Variants in KCNAB2 observed in about 807,000 individuals in gnomAD.
KCNAB2 encodes the protein potassium voltage-gated channel subfamily A regulatory beta subunit 2, also known as voltage-gated potassium channel subunit beta-2.
In KCNAB2, 29 loss-of-function variants were observed where a neutral mutation model predicts 63.6. The observed-to-expected ratio is 0.46, with a 90% confidence interval of 0.34 to 0.62. The LOEUF is 0.62. Among genes scored for constraint, KCNAB2 ranks in the 20% least tolerant of loss-of-function variants. The pLI, the probability that KCNAB2 is intolerant of heterozygous loss-of-function variation, is 0.01. For synonymous variants in KCNAB2, 222 were observed against 224.2 expected, an observed-to-expected ratio of 0.99 and a Z score of 0.09; for missense variants, 359 against 563.9, an observed-to-expected ratio of 0.64 and a Z score of 3.68.
chr1:6,001,699 T>C (rs985896059), intron 1 of KCNAB2, among the ~76,000 whole-genome samples: 1 of 152,110 alleles, frequency 6.6e-6, no homozygotes, highest in Non-Finnish European at 1.5e-5. Context: ...GCGGAATTCC[T>C]GGTCTCTAAC....
chr1:6,014,057 T>G (rs1658345095), intron 1 of KCNAB2, among the ~76,000 whole-genome samples: 2 of 152,200 alleles, frequency 1.3e-5, no homozygotes, highest in African/African-American at 2.4e-5. Flanking sequence ...AGTACTAACC[T>G]CATAGGATTA....
rs530158204 is a variant in KCNAB2, at chr1:6,005,668, G to A, written c.-53+12880G>A. 1.2e-4 allele frequency among the ~76,000 whole-genome samples: 19 copies of A among 152,052 alleles called. No homozygotes were observed. In the South Asian group the frequency reaches 1.7e-3, roughly 13 times the overall value. ...CTCAGAGAGATGGGTTTAGTGGCCC[G>A]GGGAGGCACGGAAGCCCAGGTCTGT... On this transcript the variant is annotated intron_variant, in intron 1 of 16. Coordinates refer to the KCNAB2 transcript ENST00000341524.
chr1:6,095,736 G>A, intron 13 of KCNAB2, 112 bp downstream of exon 13: 1 of 990,462 alleles, frequency 1.0e-6, no homozygotes, highest in Non-Finnish European at 1.6e-6. Context: ...AGCTGCAGCT[G>A]TTCCCACCTC....
chr1:6,050,587 C>G (rs900463364), intron 1 of KCNAB2, among the ~76,000 whole-genome samples: 1 of 152,262 alleles, frequency 6.6e-6, no homozygotes, highest in Non-Finnish European at 1.5e-5. Context: ...CACTCACTCA[C>G]TATGTTGAGA....
At position 6,099,972 on chromosome 1, in the gene KCNAB2, C is replaced by T. The variant is rs1463857569; in HGVS notation, c.*1398C>T. 13 of 1,549,506 alleles carry T rather than the reference C, an allele frequency of 8.4e-6. No individual in the cohort carries two copies. The highest frequency in any genetic ancestry group is 2.4e-5 in the East Asian group (1 of 40,898). ...AGCAGTACCCAGGCTTTGCAGACCA[C>T]GCGGGGCAGGGCTCCACTGAAGCCA... On this transcript the variant is annotated 3_prime_UTR_variant, in exon 16 of 16. Coordinates refer to ENST00000378083, the MANE Select transcript of KCNAB2 (RefSeq NM_001199862.2).
rs568751774 is a variant in KCNAB2, at chr1:6,099,646, G to A, written c.*1072G>A. 5.9e-5 allele frequency: 62 copies of A among 1,042,192 alleles called. No homozygotes were observed. The highest frequency in any genetic ancestry group is 9.7e-5 in the African/African-American group (6 of 62,082). 64.6% of individuals were successfully genotyped at this position (1,042,192 alleles called of 1,614,324 possible). A position where few individuals can be genotyped will look rare whatever the true frequency, so the allele number is the denominator to read the frequency against. On this transcript the variant is annotated 3_prime_UTR_variant, in exon 16 of 16. Coordinates refer to ENST00000378083, the MANE Select transcript of KCNAB2 (RefSeq NM_001199862.2). ...CTGGTGGGCTTGGGTTTTGTGGAGCGCATGCTTGGACCCTTTCAGTAAGGA... is the reference window on the plus strand; with the variant it reads ...CTGGTGGGCTTGGGTTTTGTGGAGCACATGCTTGGACCCTTTCAGTAAGGA...
rs751218859 is a variant in KCNAB2 at position 6,095,383 on chromosome 1, T to C, written c.793T>C (p.Tyr265His). ...CCCGCCCATCTGCGAGCAGGCTGAG[T>C]ACCACATGTTCCAGCGTGAGAAAGT... ...LTPPICEQAEYHMFQREKVEV... is the reference protein window; with the variant it reads ...LTPPICEQAEHHMFQREKVEV... The change falls in exon 12 of 16, where the codon TAC (tyrosine) becomes CAC (histidine). Residue 265 changes from tyrosine (Y) to histidine (H), a missense_variant. By Grantham distance (83) the Tyr-to-His change is moderately conservative. This residue lies in a region of KCNAB2 where 271 missense variants were observed against 476.1 expected (regional missense o/e 0.57). Coordinates refer to ENST00000378083, the MANE Select transcript of KCNAB2 (RefSeq NM_001199862.2). 1 of 1,613,006 alleles carries C rather than the reference T, an allele frequency of 6.2e-7. No individual in the cohort carries two copies. The highest frequency in any genetic ancestry group is 8.5e-7 in the Non-Finnish European group (1 of 1,180,002).
At chr1:6,093,317 G>A (rs1018646035) in intron 10 of KCNAB2, among the ~76,000 whole-genome samples, 3 of 152,244 alleles carry the variant, frequency 2.0e-5, no homozygotes, top group Non-Finnish European at 2.9e-5. Flanking sequence ...TATCCGACCC[G>A]TGAGAAGCCT....
chr1:6,074,515 C>A lies in KCNAB2; in HGVS notation c.300+745C>A, dbSNP rs1045755449. ...ACAAGAAGCAGTTTTCACATTTATCCTACTTAGCACTAGAAAGGTTGCGTT... is the reference window on the plus strand; with the variant it reads ...ACAAGAAGCAGTTTTCACATTTATCATACTTAGCACTAGAAAGGTTGCGTT... On this transcript the variant is annotated intron_variant, in intron 4 of 15. Transcript: ENST00000378083. The surrounding 1 kb of genome is among the most constrained non-coding windows in gnomAD (Gnocchi z 4.9). 1.4e-4 allele frequency among the ~76,000 whole-genome samples: 22 copies of A among 152,218 alleles called. No individual in the cohort carries two copies. The highest frequency in any genetic ancestry group is 4.8e-4 in the African/African-American group (20 of 41,448).
At chr1:6,054,051 A>G (rs1406580003) in intron 2 of KCNAB2, among the ~76,000 whole-genome samples, 1 of 151,764 alleles carries the variant, frequency 6.6e-6, no homozygotes, top group Non-Finnish European at 1.5e-5. Flanking sequence ...TTAAAAAAAA[A>G]AAAAAAAGAA....
At chr1:6,041,775 A>ACT, upstream of KCNAB2, 1 of 1,484,208 alleles carries the variant, frequency 6.7e-7, no homozygotes, top group Non-Finnish European at 9.4e-7. Context: ...CCAACTGTGG[A>ACT]CTCTCTCTCT....
In KCNAB2 at chr1:6,100,431, T is replaced by G; in HGVS notation, c.*1857T>G. On this transcript the variant is annotated 3_prime_UTR_variant, in exon 16 of 16. Coordinates refer to ENST00000378083, the MANE Select transcript of KCNAB2 (RefSeq NM_001199862.2). ...CTATGGCCCTGGGCCCAGGTGGGGG[T>G]CGCCTGCTTCCTTCCCGGACAGGGT... 5.9e-6 allele frequency: 1 copy of G among 169,580 alleles called. No homozygotes were observed. Among genetic ancestry groups the G allele is most frequent in the Admixed American group, 6.1e-5 (1 of 16,426 alleles). The allele number at this position is 169,580 out of a possible 1,614,324, so 10.5% of individuals were successfully genotyped here.
chr1:6,086,260 G>T lies in KCNAB2; in HGVS notation c.425+1012G>T, dbSNP rs1253939405. On this transcript the variant is annotated intron_variant, in intron 6 of 15. Transcript: ENST00000378083. This position sits in a 1 kb window ranked among gnomAD's most constrained non-coding sequence, Gnocchi z 4.2. ...GGGAGCCCCCGCCCCCTCCCCCATG[G>T]ATTCCTGACACCCCTTCCTCTTGTC... is the stretch of plus-strand genomic sequence containing the variant. 4.1e-6 allele frequency: 4 copies of T among 984,734 alleles called. No individual in the cohort carries two copies. Among genetic ancestry groups the T allele is most frequent in the Non-Finnish European group, 4.8e-6 (4 of 829,642 alleles). 61.0% of individuals were successfully genotyped at this position (984,734 alleles called of 1,614,324 possible).
chr1:6,095,190 A>G, intron 11 of KCNAB2, 133 bp from the exon 12 acceptor site: 1 of 904,714 alleles, frequency 1.1e-6, no homozygotes, highest in Non-Finnish European at 1.7e-6. Flanking sequence ...GAGTGTGAGC[A>G]GTGGGGAGCC....
intron 2 of KCNAB2, 109 bp downstream of exon 2, chr1:6,051,863 G>A: frequency 7.9e-7 from 1 of 1,271,516 alleles, no homozygotes; most frequent in Non-Finnish European, 1.1e-6. Context: ...CAGCACTTGG[G>A]GAGGCAGAGG....
intron 2 of KCNAB2, among the ~76,000 whole-genome samples, chr1:6,062,185 A>G (rs1436610786): frequency 2.0e-5 from 3 of 152,134 alleles, no homozygotes; most frequent in Non-Finnish European, 4.4e-5. Flanking sequence ...GCGGTGGCAC[A>G]TGCCTGTAAT....
At chr1:6,036,265 G>A (rs894632027) in intron 1 of KCNAB2, among the ~76,000 whole-genome samples, 9 of 152,282 alleles carry the variant, frequency 5.9e-5, no homozygotes, top group Middle Eastern at 3.4e-3. Context: ...CATTTAGGGA[G>A]GCCGAGGCGG....
At chr1:6,090,051 C>T (rs1665055745) in intron 8 of KCNAB2, among the ~76,000 whole-genome samples, 2 of 152,212 alleles carry the variant, frequency 1.3e-5, no homozygotes, top group Admixed American at 1.3e-4. Context: ...AGCCCTCCCT[C>T]CACATGTGAT....
chr1:6,029,353 A>C (rs1054346266), upstream of KCNAB2, among the ~76,000 whole-genome samples: 2 of 151,932 alleles, frequency 1.3e-5, no homozygotes, highest in Non-Finnish European at 2.9e-5. Context: ...CCTGACAGCC[A>C]AGGAGACCAG....
Sources: gnomAD v4.1 joint callset for allele counts (sites outside exome capture counted in the v4.1 genomes callset) on GRCh38, gnomAD v4.1.1 for gene constraint, gnomAD v4.1.1 regional missense constraint, Gnocchi (gnomAD v3.1) non-coding constraint, MANE v1.5 for transcripts, NCBI Gene and HGNC (gene_info 2026-07-23, HGNC 2026-07-21) for gene names.